Variants in RNF38 observed in about 807,000 individuals in gnomAD.
RNF38 encodes the protein E3 ubiquitin-protein ligase RNF38.
In RNF38, 15 loss-of-function variants were observed where a neutral mutation model predicts 67.2. The observed-to-expected ratio is 0.22, with a 90% CI of 0.15 to 0.34. The LOEUF (loss-of-function observed/expected upper bound fraction) is 0.34, where lower values mean the gene tolerates loss of function less well. Ranked by LOEUF, RNF38 falls within the 10% of genes least tolerant of loss-of-function variation. The pLI is 1.00. For synonymous variants in RNF38, 220 were observed against 218.8 expected (o/e 1.01, Z -0.05); for missense variants, 524 against 639.9 (o/e 0.82, Z 1.95).
chr9:36,416,429 A>G (rs1257501672), intron 2 of RNF38, among the ~76,000 whole-genome samples: 1 of 152,084 alleles, frequency 6.6e-6, no homozygotes, highest in Non-Finnish European at 1.5e-5. Context: ...AGCAAGGCTG[A>G]GATTTTGCCC....
intron 2 of RNF38, among the ~76,000 whole-genome samples, chr9:36,411,971 A>G (rs773496215): frequency 6.6e-6 from 1 of 152,216 alleles, no homozygotes; most frequent in African/African-American, 2.4e-5. Context: ...GCCAGTTACA[A>G]AAAGAAAAAC....
At chr9:36,486,896 C>T (rs1840426498) in intron 1 of RNF38, among the ~76,000 whole-genome samples, 1 of 152,150 alleles carries the variant, frequency 6.6e-6, no homozygotes, top group Non-Finnish European at 1.5e-5. Context: ...TCTCCCTCGG[C>T]TCCTGGGGGC....
rs748068204 is a variant in RNF38 at position 36,351,172 on chromosome 9, C to T, written c.1206G>A (p.Val402=). 14 of 1,613,140 alleles carry T rather than the reference C, an allele frequency of 8.7e-6. No homozygotes were observed. The highest frequency in any genetic ancestry group is 1.1e-5 in the Non-Finnish European group (13 of 1,179,558). ...VLSMLPVPPA[V]GPTFSFELDV... Reference sequence around the variant, plus strand: ...CTAATTCAAAGCTGAAAGTTGGGCCCACTGCAGGTGGCACTGGAAGCATTG... The same window carrying T: ...CTAATTCAAAGCTGAAAGTTGGGCCTACTGCAGGTGGCACTGGAAGCATTG... The change falls in exon 9 of 12, where the codon GTG becomes GTA. Residue 402 remains valine, a synonymous_variant. Transcript: ENST00000259605.
At chr9:36,354,645 C>T (rs954064792) in intron 6 of RNF38, among the ~76,000 whole-genome samples, 2 of 152,100 alleles carry the variant, frequency 1.3e-5, no homozygotes, top group Non-Finnish European at 2.9e-5. Context: ...CATGGATATA[C>T]CACTCTTTCG....
At chr9:36,466,301 G>A (rs953528612) in intron 1 of RNF38, among the ~76,000 whole-genome samples, 1 of 152,146 alleles carries the variant, frequency 6.6e-6, no homozygotes, top group Non-Finnish European at 1.5e-5. Flanking sequence ...TTTTCAGGGA[G>A]ATGAAAATGC....
At chr9:36,384,700 G>C (rs530087665) in intron 2 of RNF38, among the ~76,000 whole-genome samples, 9 of 152,264 alleles carry the variant, frequency 5.9e-5, no homozygotes, top group African/African-American at 2.2e-4. Flanking sequence ...ATTTTAATGG[G>C]AATTTCTCAC....
At chr9:36,346,063 CATTT>C (rs1587464531) in intron 9 of RNF38, among the ~76,000 whole-genome samples, 2 of 152,154 alleles carry the variant, frequency 1.3e-5, no homozygotes, top group Admixed American at 6.6e-5. Flanking sequence ...TATCATTCTT[CATTT>C]ATTAGAATAC....
At chr9:36,403,050 T>C (rs982733812), upstream of RNF38, among the ~76,000 whole-genome samples, 4 of 152,130 alleles carry the variant, frequency 2.6e-5, no homozygotes, top group African/African-American at 9.7e-5. Flanking sequence ...TCCTCCCATA[T>C]TGGCCTCCCA....
rs1437472416 is a variant in RNF38, at chr9:36,390,606, C to T, written c.23G>A (p.Gly8Glu). ...GCCAGGTAGAGATGCTGAATTGGCCCCGGGAGATATCTGGGAAAAAGAGGA... is the reference window on the plus strand; with the variant it reads ...GCCAGGTAGAGATGCTGAATTGGCCTCGGGAGATATCTGGGAAAAAGAGGA... MACKISP[G>E]ANSASLPGHP... The change falls in exon 2 of 12, where the codon GGG becomes GAG. Residue 8 changes from glycine (G) to glutamate (E), a missense_variant. By Grantham distance (98) the Gly-to-Glu change is moderately conservative (BLOSUM62 -2). This residue lies in a region of RNF38 where 461 missense variants were observed against 517.4 expected (regional missense o/e 0.89). Transcript: ENST00000259605. 6.2e-7 allele frequency: 1 copy of T among 1,613,954 alleles called. No individual in the cohort carries two copies. The highest frequency in any genetic ancestry group is 2.2e-5 in the East Asian group (1 of 44,878).
At chr9:36,444,919 C>CTTTTTTTTTTTTTTTTTTT (rs34369319) in intron 1 of RNF38, among the ~76,000 whole-genome samples, 1 of 133,448 alleles carries the variant, frequency 7.5e-6, no homozygotes, top group Non-Finnish European at 1.6e-5. Flanking sequence ...GAGCCATTCT[C>CTTTTTTTTTTTTTTTTTTT]TTTTTTTTTT....
Position 36,472,038 on chromosome 9 carries a change from T to C in RNF38, n.241+15270A>G, listed in dbSNP as rs58898127. Among the ~76,000 whole-genome samples, 959 of 152,346 alleles carry C rather than the reference T, an allele frequency of 6.3e-3. 12 individuals are homozygous for C. Among genetic ancestry groups the C allele is most frequent in the African/African-American group, 0.022 (916 of 41,584 alleles). ...AAATATCAATTTTAAAAAAACAATT[T>C]TAAAATAACAATTTGTTTTCAACTA... On this transcript the variant is annotated intron_variant and non_coding_transcript_variant, in intron 1 of 3. Transcript: ENST00000488058.
intron 3 of RNF38, among the ~76,000 whole-genome samples, chr9:36,375,702 G>C (rs865997109): frequency 3.5e-4 from 53 of 152,220 alleles, no homozygotes; most frequent in African/African-American, 1.2e-3. Flanking sequence ...CATATATAAT[G>C]GCATCGACTG....
chr9:36,451,116 A>G (rs1456023490), intron 1 of RNF38, among the ~76,000 whole-genome samples: 1 of 152,180 alleles, frequency 6.6e-6, no homozygotes, highest in East Asian at 1.9e-4. Context: ...GCAATCAGCA[A>G]AGTTCAAACT....
chr9:36,437,052 T>C (rs866882422), intron 1 of RNF38, among the ~76,000 whole-genome samples: 6 of 151,970 alleles, frequency 3.9e-5, no homozygotes, highest in Admixed American at 6.6e-5. Context: ...AGGAGGCAAA[T>C]AGGATATGAT....
chr9:36,353,768 T>C (rs955321937), intron 6 of RNF38, among the ~76,000 whole-genome samples: 4 of 152,194 alleles, frequency 2.6e-5, no homozygotes. Context: ...AAATGAGATA[T>C]GGTACAGAGG....
intron 2 of RNF38, among the ~76,000 whole-genome samples, chr9:36,386,826 G>T (rs1295421387): frequency 6.6e-6 from 1 of 152,096 alleles, no homozygotes; most frequent in Non-Finnish European, 1.5e-5. Context: ...TTTTTGAGAG[G>T]TAGTCTTGCT....
At chr9:36,421,624 T>C (rs1048851133) in intron 2 of RNF38, among the ~76,000 whole-genome samples, 1 of 151,774 alleles carries the variant, frequency 6.6e-6, no homozygotes, top group East Asian at 1.9e-4. Flanking sequence ...GATCACACCA[T>C]TGCACTCCAG....
intron 1 of RNF38, among the ~76,000 whole-genome samples, chr9:36,430,208 T>G (rs1328701899): frequency 2.6e-5 from 4 of 152,056 alleles, no homozygotes; most frequent in African/African-American, 7.2e-5. Flanking sequence ...GAATTATTAT[T>G]ATTATTATTA....
rs555481725 is a variant in RNF38 at position 36,373,659 on chromosome 9, G to A, written c.356+2275C>T. ...CCCCCAGGCTGGAGTGCAGTGGCGC[G>A]ATCTCAGGTTTTGCCATTTTGCCCA... is the stretch of plus-strand genomic sequence containing the variant. On this transcript the variant is annotated intron_variant, in intron 3 of 11. Coordinates refer to ENST00000259605, the MANE Select transcript of RNF38 (RefSeq NM_022781.5). Among the ~76,000 whole-genome samples the A allele has an allele frequency of 4.0e-5, 6 of 149,958 alleles. No individual in the cohort carries two copies. In the South Asian group the frequency reaches 6.3e-4, roughly 16 times the overall value.
Sources: gnomAD v4.1 joint callset for allele counts (sites outside exome capture counted in the v4.1 genomes callset) on GRCh38, gnomAD v4.1.1 for gene constraint, gnomAD v4.1.1 regional missense constraint, MANE v1.5 for transcripts, NCBI Gene and HGNC (gene_info 2026-07-23, HGNC 2026-07-21) for gene names.